SMAP1: variants seen among roughly 807,000 people sequenced by gnomAD.
The protein encoded by SMAP1 is stromal membrane-associated protein 1.
A neutral mutation model predicts 58.5 loss-of-function variants in SMAP1; 24 were observed. That is an observed-to-expected ratio of 0.41 (90% CI 0.30 to 0.58). SMAP1 has a LOEUF of 0.58. Ranked by LOEUF, SMAP1 falls within the 20% of genes least tolerant of loss-of-function variation. The probability of loss-of-function intolerance (pLI) is 0.29; values close to 1 mark genes in which losing one functional copy is unlikely to be tolerated. For synonymous variants in SMAP1, 216 were observed against 196.6 expected, an observed-to-expected ratio of 1.10 and a Z score of -0.82; for missense variants, 563 against 566.3, an observed-to-expected ratio of 0.99 and a Z score of 0.06.
chr6:70,756,765 A>G (rs1044151893), intron 3 of SMAP1, among the ~76,000 whole-genome samples: 4 of 152,210 alleles, frequency 2.6e-5, no homozygotes, highest in Non-Finnish European at 5.9e-5. Context: ...ACTCCCATTC[A>G]CAGTTGCTTC....
chr6:70,704,336 CTCCT>C (rs1767752154), intron 1 of SMAP1, among the ~76,000 whole-genome samples: 1 of 152,198 alleles, frequency 6.6e-6, no homozygotes, highest in African/African-American at 2.4e-5. Flanking sequence ...TAATCCATTA[CTCCT>C]CCTGATTCTT....
At chr6:70,839,607 G>A (rs976536856) in intron 7 of SMAP1, among the ~76,000 whole-genome samples, 6 of 152,146 alleles carry the variant, frequency 3.9e-5, no homozygotes, top group African/African-American at 1.4e-4. Flanking sequence ...AAGAATATAA[G>A]GGGGATTTTG....
intron 3 of SMAP1, among the ~76,000 whole-genome samples, chr6:70,769,304 C>G (rs1287484312): frequency 1.3e-5 from 2 of 152,096 alleles, no homozygotes; most frequent in Non-Finnish European, 2.9e-5. Flanking sequence ...CCTGGGTATC[C>G]TTGTTAACTT....
chr6:70,786,022 T>G (rs1397541756), intron 4 of SMAP1, among the ~76,000 whole-genome samples: 1 of 152,152 alleles, frequency 6.6e-6, no homozygotes, highest in Non-Finnish European at 1.5e-5. Flanking sequence ...TAGACCAATC[T>G]CCTTGATGAA....
chr6:70,836,404 C>T (rs916292208), intron 6 of SMAP1, among the ~76,000 whole-genome samples: 1 of 152,098 alleles, frequency 6.6e-6, no homozygotes, highest in African/African-American at 2.4e-5. Context: ...GTCCCTCCCA[C>T]AACACATGGG....
At chr6:70,777,249 C>A (rs556421471) in intron 4 of SMAP1, among the ~76,000 whole-genome samples, 2 of 152,038 alleles carry the variant, frequency 1.3e-5, no homozygotes, top group Admixed American at 6.6e-5. Context: ...GTGAGATGAA[C>A]CCTGTACCTC....
In SMAP1 at chr6:70,837,080, C is replaced by T. The variant is rs1404423150; in HGVS notation, c.664+52C>T. 5.2e-6 allele frequency: 7 copies of T among 1,345,516 alleles called. No individual in the cohort carries two copies. The Admixed American group carries it at 1.3e-4, about 24-fold the overall frequency. 83.3% of individuals were successfully genotyped at this position (1,345,516 alleles called of 1,614,324 possible). A position where few individuals can be genotyped will look rare whatever the true frequency, so the allele number is the denominator to read the frequency against. Reference sequence around the variant, plus strand: ...GCTGGAGTTACAAAACAATTGAAACCTTTACTTGGAGTGAATATAATGGCT... The same window carrying T: ...GCTGGAGTTACAAAACAATTGAAACTTTTACTTGGAGTGAATATAATGGCT... On this transcript the variant is annotated intron_variant, in intron 7 of 10. Coordinates refer to ENST00000370455, the MANE Select transcript of SMAP1 (RefSeq NM_001044305.3).
chr6:70,814,093 T>A (rs1050191038), intron 6 of SMAP1, among the ~76,000 whole-genome samples: 28 of 152,168 alleles, frequency 1.8e-4, no homozygotes, highest in African/African-American at 6.5e-4. Context: ...GTAAAGCATC[T>A]TCTGGCCTTG....
chr6:70,837,864 A>T, intron 7 of SMAP1: 1 of 1,259,146 alleles, frequency 7.9e-7, no homozygotes, highest in Non-Finnish European at 1.0e-6. Flanking sequence ...CTTTCCAAAA[A>T]ATTGATCCTA....
chr6:70,794,788 CTTTTTTTTT>C (rs34050089), intron 5 of SMAP1, among the ~76,000 whole-genome samples: 1 of 114,988 alleles, frequency 8.7e-6, no homozygotes, highest in Non-Finnish European at 1.8e-5. Flanking sequence ...ATTTTCTTTT[CTTTTTTTTT>C]TTTTTTTTTG....
chr6:70,859,624 A>G (rs1771614224), intron 10 of SMAP1: 6 of 382,734 alleles, frequency 1.6e-5, no homozygotes, highest in Admixed American at 1.3e-4. Context: ...TAAGAGAATC[A>G]CAGGGTTAAG....
At chr6:70,676,377 A>T (rs554525858) in intron 1 of SMAP1, among the ~76,000 whole-genome samples, 1 of 152,340 alleles carries the variant, frequency 6.6e-6, no homozygotes, top group African/African-American at 2.4e-5. Flanking sequence ...TAGCCTGCTA[A>T]TAAGGGTACA....
chr6:70,796,664 G>C (rs187767823), intron 5 of SMAP1, among the ~76,000 whole-genome samples: 1 of 152,130 alleles, frequency 6.6e-6, no homozygotes, highest in East Asian at 1.9e-4. Flanking sequence ...TAGATATGAA[G>C]ATCTTTTTTG....
intron 3 of SMAP1, among the ~76,000 whole-genome samples, chr6:70,767,575 C>G (rs1373243450): frequency 1.3e-5 from 2 of 151,586 alleles, no homozygotes; most frequent in African/African-American, 2.4e-5. Flanking sequence ...TATAAGAATG[C>G]TTGTGATTTT....
At chr6:70,679,068 A>G (rs1194992998) in intron 1 of SMAP1, among the ~76,000 whole-genome samples, 3 of 151,336 alleles carry the variant, frequency 2.0e-5, no homozygotes, top group Non-Finnish European at 4.4e-5. Flanking sequence ...CTGTCGCCCA[A>G]GCTGGAGTGC....
intron 7 of SMAP1, chr6:70,838,015 A>G: frequency 1.4e-5 from 11 of 811,678 alleles, no homozygotes; most frequent in Non-Finnish European, 1.6e-5. Context: ...TGTATTAGAA[A>G]TATAAAAAAT....
intron 1 of SMAP1, among the ~76,000 whole-genome samples, chr6:70,728,301 C>T (rs1765271467): frequency 6.6e-6 from 1 of 152,176 alleles, no homozygotes. Flanking sequence ...TTTCTGTTTA[C>T]ATTCTACAGG....
intron 5 of SMAP1, among the ~76,000 whole-genome samples, chr6:70,796,587 A>G (rs190307224): frequency 2.3e-4 from 35 of 152,292 alleles, no homozygotes; most frequent in Admixed American, 2.2e-3. Flanking sequence ...AGCAGTAGGT[A>G]ATGTTTCTAG....
chr6:70,749,608 ACAAC>A (rs1554196975), intron 2 of SMAP1, among the ~76,000 whole-genome samples: 1 of 151,610 alleles, frequency 6.6e-6, no homozygotes, highest in South Asian at 2.1e-4. Context: ...TAAAAAAAAA[ACAAC>A]AACCAGTAAA....
Sources: gnomAD v4.1 joint callset for allele counts (sites outside exome capture counted in the v4.1 genomes callset) on GRCh38, gnomAD v4.1.1 for gene constraint, MANE v1.5 for transcripts, NCBI Gene and HGNC (gene_info 2026-07-23, HGNC 2026-07-21) for gene names.